GADL1: variants seen among roughly 807,000 people sequenced by gnomAD.
GADL1 encodes the protein acidic amino acid decarboxylase GADL1.
In GADL1, 71 loss-of-function variants were observed where a neutral mutation model predicts 69.5. The ratio of observed to expected loss-of-function variants is 1.02; its 90% CI spans 0.84 to 1.25. The LOEUF is 1.25. Ranked by LOEUF, GADL1 falls within the 50% of genes most tolerant of loss-of-function variation. The pLI is 0.00. For synonymous variants in GADL1, 254 were observed against 214.4 expected (o/e 1.18, Z -1.62); for missense variants, 737 against 631.8 (o/e 1.17, Z -1.79).
intron 9 of GADL1, among the ~76,000 whole-genome samples, chr3:30,836,105 C>A (rs1038340242): frequency 6.6e-6 from 1 of 152,016 alleles, no homozygotes; most frequent in Non-Finnish European, 1.5e-5. Flanking sequence ...TATCCCCCAA[C>A]CTCTCTGAGA....
intron 1 of GADL1, among the ~76,000 whole-genome samples, chr3:30,875,235 C>G (rs1176661503): frequency 6.6e-6 from 1 of 151,426 alleles, no homozygotes; most frequent in Non-Finnish European, 1.5e-5. Flanking sequence ...AAAAGCTCAC[C>G]TCTTGATGAC....
intron 1 of GADL1, among the ~76,000 whole-genome samples, chr3:30,877,848 AATAG>A (rs1457810949): frequency 6.6e-6 from 1 of 151,934 alleles, no homozygotes; most frequent in Non-Finnish European, 1.5e-5. Flanking sequence ...ATTTAACCAT[AATAG>A]ATTTTAATAT....
chr3:30,842,821 T>TAAAAAAAAA (rs1559358436), intron 8 of GADL1, among the ~76,000 whole-genome samples: 11 of 66,430 alleles, frequency 1.7e-4, no homozygotes, highest in South Asian at 5.2e-4. Context: ...ATTGGAATGT[T>TAAAAAAAAA]TAAAAAAAAA....
At chr3:30,767,683 C>CT (rs987202434) in intron 14 of GADL1, among the ~76,000 whole-genome samples, 6 of 152,164 alleles carry the variant, frequency 3.9e-5, no homozygotes, top group African/African-American at 1.4e-4. Context: ...GTAACTTCAG[C>CT]TTTGAAGCAG....
At chr3:30,766,825 CAT>C (rs1257412183) in intron 14 of GADL1, among the ~76,000 whole-genome samples, 1 of 143,440 alleles carries the variant, frequency 7.0e-6, no homozygotes, top group Non-Finnish European at 1.5e-5. Flanking sequence ...CCTGAATGAT[CAT>C]AGACTTTCCT....
chr3:30,796,548 T>C (rs1041126561), intron 12 of GADL1, among the ~76,000 whole-genome samples: 1 of 152,178 alleles, frequency 6.6e-6, no homozygotes, highest in African/African-American at 2.4e-5. Context: ...AATTAAACTT[T>C]CCTCGGGATT....
At chr3:30,833,973 C>T (rs1460213031) in intron 10 of GADL1, 39 bp from the exon 11 acceptor site, 1 of 1,403,658 alleles carries the variant, frequency 7.1e-7, no homozygotes, top group Admixed American at 1.7e-5. Context: ...GGAGAGGACT[C>T]AATTAGTTTC....
At chr3:30,760,904 G>A (rs992967039) in intron 14 of GADL1, among the ~76,000 whole-genome samples, 1 of 152,052 alleles carries the variant, frequency 6.6e-6, no homozygotes, top group Non-Finnish European at 1.5e-5. Context: ...TAGGGAAACT[G>A]GCCATTCCTG....
chr3:30,888,270 A>C (rs779270931), intron 1 of GADL1, among the ~76,000 whole-genome samples: 1 of 152,208 alleles, frequency 6.6e-6, no homozygotes, highest in Non-Finnish European at 1.5e-5. Flanking sequence ...TGGGGCACAT[A>C]GAAGAGCCTT....
In GADL1 at chr3:30,802,415, G is replaced by A. The variant is rs528433262; in HGVS notation, c.1051-1327C>T. 3.9e-5 allele frequency among the ~76,000 whole-genome samples: 6 copies of A among 152,248 alleles called. No individual in the cohort carries two copies. In the South Asian group the frequency reaches 1.2e-3, roughly 32 times the overall value. On this transcript the variant is annotated intron_variant, in intron 11 of 14. Transcript: ENST00000282538. ...TGGTATGAATAGAATAAACACAGTT[G>A]GATGAGCTTCTCATTTGGTGAATTT...
chr3:30,770,080 G>A (rs1213106355), intron 14 of GADL1, among the ~76,000 whole-genome samples: 2 of 152,216 alleles, frequency 1.3e-5, no homozygotes, highest in Non-Finnish European at 2.9e-5. Flanking sequence ...TGGCAGTCAT[G>A]ATTAGGAGCT....
At chr3:30,733,593 C>CTTCT (rs1454714345) in intron 14 of GADL1, among the ~76,000 whole-genome samples, 4 of 126,866 alleles carry the variant, frequency 3.2e-5, no homozygotes, top group Non-Finnish European at 6.3e-5. Flanking sequence ...TTTCTCCTTC[C>CTTCT]TTCCTTCCTT....
intron 13 of GADL1, among the ~76,000 whole-genome samples, chr3:30,780,158 G>A (rs780744559): frequency 2.6e-5 from 4 of 152,154 alleles, no homozygotes; most frequent in Non-Finnish European, 4.4e-5. Context: ...TGCCAGCTAG[G>A]CACCTTGCCT....
chr3:30,767,101 A>AG (rs1284739334), intron 14 of GADL1, among the ~76,000 whole-genome samples: 1 of 152,176 alleles, frequency 6.6e-6, no homozygotes, highest in East Asian at 1.9e-4. Context: ...AAGTTCTGTG[A>AG]GGTGCAGGTA....
rs1208766012 is a variant in GADL1, at chr3:30,894,615, C to A, written c.-1G>T. ...ACTGGCGGTCCGAGTCGCTGCTCAT[C>A]TCCGCTCCCCCACTCCAGGCTGCCC... On this transcript the variant is annotated 5_prime_UTR_variant, in exon 1 of 15. Transcript: ENST00000282538. 6.4e-7 allele frequency: 1 copy of A among 1,550,898 alleles called. No individual in the cohort carries two copies. The highest frequency in any genetic ancestry group is 2.4e-5 in the East Asian group (1 of 40,866).
chr3:30,788,719 T>C (rs1178172989), intron 12 of GADL1, among the ~76,000 whole-genome samples: 3 of 152,320 alleles, frequency 2.0e-5, no homozygotes. Flanking sequence ...GTTTATGTAA[T>C]ATTCTATATC....
At chr3:30,891,167 A>G (rs965401550) in intron 1 of GADL1, among the ~76,000 whole-genome samples, 2 of 152,026 alleles carry the variant, frequency 1.3e-5, no homozygotes, top group African/African-American at 4.8e-5. Context: ...AGAATCAGTA[A>G]ACCTACCCCA....
chr3:30,809,084 C>T (rs1697309392), intron 11 of GADL1, among the ~76,000 whole-genome samples: 1 of 152,190 alleles, frequency 6.6e-6, no homozygotes, highest in South Asian at 2.1e-4. Flanking sequence ...GGACTCATTT[C>T]CTGAGTGTCT....
chr3:30,757,234 T>C (rs979770183), intron 14 of GADL1, among the ~76,000 whole-genome samples: 1 of 152,134 alleles, frequency 6.6e-6, no homozygotes, highest in Non-Finnish European at 1.5e-5. Context: ...AAGTATGCTG[T>C]CTCAATCAAG....
Sources: allele counts gnomAD v4.1 joint callset (sites outside exome capture counted in the v4.1 genomes callset), GRCh38; gene constraint gnomAD v4.1.1; transcripts MANE v1.5; gene names NCBI Gene and HGNC (gene_info 2026-07-23, HGNC 2026-07-21).